UVRAG: variants seen among roughly 807,000 people sequenced by gnomAD.
UVRAG encodes UV radiation resistance-associated gene protein.
In UVRAG, 19 loss-of-function variants were observed where a neutral mutation model predicts 78.0. The observed-to-expected ratio is 0.24, with a 90% CI of 0.17 to 0.36. The LOEUF (loss-of-function observed/expected upper bound fraction) is 0.36. Among genes scored for constraint, UVRAG ranks in the 10% least tolerant of loss-of-function variants. UVRAG has a pLI of 1.00. For synonymous variants in UVRAG, 323 were observed against 324.6 expected, an observed-to-expected ratio of 1.00 and a Z score of 0.05; for missense variants, 740 against 853.8, an observed-to-expected ratio of 0.87 and a Z score of 1.66.
In UVRAG at chr11:75,828,742, TATATACACACAC is replaced by T. The variant is rs1297282344; in HGVS notation, c.117+13224_117+13235del. Among the ~76,000 whole-genome samples the T allele has an allele frequency of 4.2e-3, 399 of 95,010 alleles. 2 individuals are homozygous for T. The highest frequency in any genetic ancestry group is 0.028 in the African/African-American group (366 of 13,186). The allele number at this position is 95,010 out of a possible 152,430, so 62.3% of individuals were successfully genotyped here. ...ATATATGTGTGTGTGTATATATATA[TATATACACACAC>T]ATATATATATATATATATATACACA... On this transcript the variant is annotated intron_variant, in intron 1 of 14. Transcript: ENST00000356136.
At chr11:76,085,920 C>A (rs191106641) in intron 13 of UVRAG, among the ~76,000 whole-genome samples, 24 of 152,194 alleles carry the variant, frequency 1.6e-4, no homozygotes, top group African/African-American at 5.5e-4. Flanking sequence ...TGTCAGACAC[C>A]CCATGCCTGC....
intron 11 of UVRAG, among the ~76,000 whole-genome samples, chr11:76,014,095 C>T (rs76496120): frequency 0.082 from 12,472 of 152,054 alleles, 1,078 homozygotes; most frequent in African/African-American, 0.22. Flanking sequence ...CTTAGAGATG[C>T]CTTTTTATCT....
At position 76,090,097 on chromosome 11, in the gene UVRAG, C is replaced by T. The variant is rs146892019; in HGVS notation, c.1305+24309C>T. Among the ~76,000 whole-genome samples, 189 of 152,294 alleles carry T rather than the reference C, an allele frequency of 1.2e-3. 3 individuals are homozygous for T. The highest frequency in any genetic ancestry group is 4.1e-3 in the African/African-American group (172 of 41,570). On this transcript the variant is annotated intron_variant, in intron 13 of 14. Coordinates refer to ENST00000356136, the MANE Select transcript of UVRAG (RefSeq NM_003369.4). ...CTGCACCTCTGATTTCAACCAATCT[C>T]CTGACTGCACCTCCATTTTTATGTT...
At chr11:76,109,759 C>T (rs1303377781) in intron 13 of UVRAG, among the ~76,000 whole-genome samples, 1 of 152,156 alleles carries the variant, frequency 6.6e-6, no homozygotes, top group African/African-American at 2.4e-5. Context: ...CGACCTGGTT[C>T]CTTCTTTTCC....
At chr11:76,084,563 C>T (rs1015234638) in intron 13 of UVRAG, among the ~76,000 whole-genome samples, 7 of 151,766 alleles carry the variant, frequency 4.6e-5, no homozygotes, top group East Asian at 1.9e-4. Flanking sequence ...ATGTATGATC[C>T]GAGTTTTCCT....
Position 76,111,318 on chromosome 11 carries a change from G to A in UVRAG, c.1306-4606G>A, listed in dbSNP as rs114733815. Among the ~76,000 whole-genome samples, 530 of 152,242 alleles carry A rather than the reference G, an allele frequency of 3.5e-3. 3 individuals carry two copies. Among genetic ancestry groups the A allele is most frequent in the African/African-American group, 0.013 (521 of 41,536 alleles). On this transcript the variant is annotated intron_variant, in intron 13 of 14. Transcript: ENST00000356136. ...GACTCCAGAAGGATGTGGTGGTACC[G>A]AGTATCTCATGAAGTTTAGGGATAA...
Position 76,141,464 on chromosome 11 carries a change from G to T in UVRAG, c.*51G>T, listed in dbSNP as rs1473621634. 5 of 1,531,578 alleles carry T rather than the reference G, an allele frequency of 3.3e-6. No homozygotes were observed. Among genetic ancestry groups the T allele is most frequent in the Non-Finnish European group, 4.4e-6 (5 of 1,124,644 alleles). 94.9% of individuals were successfully genotyped at this position (1,531,578 alleles called of 1,614,324 possible). A position where few individuals can be genotyped will look rare whatever the true frequency, so the allele number is the denominator to read the frequency against. ...GGGCAGAAGCTCTGCCTAAAATGAA[G>T]TGAAAGCTGCACTTAACCCTTTGTG... On this transcript the variant is annotated 3_prime_UTR_variant, in exon 15 of 15. Coordinates refer to ENST00000356136, the MANE Select transcript of UVRAG (RefSeq NM_003369.4).
At chr11:76,036,111 C>T (rs1950529234) in intron 12 of UVRAG, among the ~76,000 whole-genome samples, 1 of 152,166 alleles carries the variant, frequency 6.6e-6, no homozygotes, top group African/African-American at 2.4e-5. Flanking sequence ...TTAAAATTTA[C>T]TTTGCTCAGA....
chr11:75,879,471 T>C (rs1484842552), intron 3 of UVRAG, among the ~76,000 whole-genome samples: 2 of 152,352 alleles, frequency 1.3e-5, no homozygotes, highest in South Asian at 4.1e-4. Flanking sequence ...TGTAGCCTTA[T>C]GCATAATTCT....
At chr11:75,850,067 T>C (rs989302737) in intron 1 of UVRAG, among the ~76,000 whole-genome samples, 1 of 132,060 alleles carries the variant, frequency 7.6e-6, no homozygotes, top group African/African-American at 4.4e-5. Flanking sequence ...ATCAGTCTGA[T>C]TGGTTGCAGA....
intron 12 of UVRAG, among the ~76,000 whole-genome samples, chr11:76,038,552 G>C (rs1950582845): frequency 6.6e-6 from 1 of 152,096 alleles, no homozygotes; most frequent in East Asian, 1.9e-4. Context: ...AGCTTACTTG[G>C]ATTTTGGCAT....
chr11:75,893,804 T>C (rs1194376277), intron 5 of UVRAG, among the ~76,000 whole-genome samples: 7 of 151,120 alleles, frequency 4.6e-5, no homozygotes, highest in Admixed American at 3.3e-4. Flanking sequence ...GATCGCACCA[T>C]TGCACTCTAG....
At chr11:75,864,110 C>T (rs1472164794) in intron 3 of UVRAG, among the ~76,000 whole-genome samples, 2 of 150,112 alleles carry the variant, frequency 1.3e-5, no homozygotes, top group African/African-American at 2.5e-5. Flanking sequence ...GGCTGGAGTG[C>T]AGTAGCATGA....
At position 76,143,884 on chromosome 11, in the gene UVRAG, A is replaced by G. The variant is rs1294355117; in HGVS notation, c.*2471A>G. Among the ~76,000 whole-genome samples, 24 of 152,234 alleles carry G rather than the reference A, an allele frequency of 1.6e-4. No homozygotes were observed. The highest frequency in any genetic ancestry group is 5.9e-5 in the Non-Finnish European group (4 of 68,038). On this transcript the variant is annotated 3_prime_UTR_variant, in exon 15 of 15. Transcript: ENST00000356136. Reference sequence around the variant, plus strand: ...TTGAATTGGAAACTCATTACTATCTATTTCTGAACTGCTAAGAACCCTTTC... The same window carrying G: ...TTGAATTGGAAACTCATTACTATCTGTTTCTGAACTGCTAAGAACCCTTTC...
chr11:76,003,939 C>A, intron 8 of UVRAG, 66 bp from the exon 9 acceptor site: 1 of 1,455,988 alleles, frequency 6.9e-7, no homozygotes, highest in Non-Finnish European at 9.6e-7. Flanking sequence ...TTTGGCTTGG[C>A]CTCTTTGGTT....
At chr11:75,879,800 C>T in intron 3 of UVRAG, 79 bp from the exon 4 acceptor site, 1 of 1,540,342 alleles carries the variant, frequency 6.5e-7, no homozygotes, top group Non-Finnish European at 8.8e-7. Context: ...TTTTGAAAAA[C>T]AAAATGATTT....
chr11:76,127,194 T>C (rs1952417185), intron 14 of UVRAG, among the ~76,000 whole-genome samples: 1 of 152,220 alleles, frequency 6.6e-6, no homozygotes, highest in South Asian at 2.1e-4. Flanking sequence ...TGTCAGGCAA[T>C]GAAATGTGGA....
At chr11:75,990,861 T>C (rs1057238363) in intron 8 of UVRAG, among the ~76,000 whole-genome samples, 28 of 152,322 alleles carry the variant, frequency 1.8e-4, no homozygotes, top group African/African-American at 6.3e-4. Context: ...CTCATATCTT[T>C]TAGGCATGGT....
intron 2 of UVRAG, among the ~76,000 whole-genome samples, chr11:75,854,445 T>C (rs960993376): frequency 6.6e-6 from 1 of 152,032 alleles, no homozygotes; most frequent in Admixed American, 6.6e-5. Context: ...AGATGGAGTC[T>C]CAGTCTGTTT....
Sources: allele counts gnomAD v4.1 joint callset (sites outside exome capture counted in the v4.1 genomes callset), GRCh38; gene constraint gnomAD v4.1.1; transcripts MANE v1.5; gene names NCBI Gene and HGNC (gene_info 2026-07-23, HGNC 2026-07-21).